Variants in TM4SF19 observed in about 807,000 individuals in gnomAD.
TM4SF19 encodes the protein transmembrane 4 L6 family member 19.
In TM4SF19, 17 loss-of-function variants were observed where a neutral mutation model predicts 21.8. The ratio of observed to expected loss-of-function variants is 0.78; its 90% CI spans 0.53 to 1.17. The LOEUF (loss-of-function observed/expected upper bound fraction) is 1.17, where lower values mean the gene tolerates loss of function less well. Ranked by LOEUF, TM4SF19 falls within the 50% of genes most tolerant of loss-of-function variation. The pLI, the probability that TM4SF19 is intolerant of heterozygous loss-of-function variation, is 0.00. For synonymous variants in TM4SF19, 107 were observed against 106.7 expected (o/e 1.00, Z -0.02); for missense variants, 216 against 252.1 (o/e 0.86, Z 0.97).
chr3:196,335,967 A>T (rs1161731858), intron 1 of TM4SF19, among the ~76,000 whole-genome samples: 9 of 152,166 alleles, frequency 5.9e-5, no homozygotes, highest in Admixed American at 3.3e-4. Flanking sequence ...GCTCTAGATC[A>T]TGGGGCCAGG....
chr3:196,333,402 T>A (rs554849151), intron 1 of TM4SF19, among the ~76,000 whole-genome samples: 2 of 152,274 alleles, frequency 1.3e-5, no homozygotes, highest in African/African-American at 4.8e-5. Flanking sequence ...ACAATAATAA[T>A]AAAATAGAAC....
chr3:196,332,403 AAGAG>A (rs957019234), intron 1 of TM4SF19, among the ~76,000 whole-genome samples: 6 of 139,684 alleles, frequency 4.3e-5, no homozygotes, highest in Admixed American at 2.1e-4. Context: ...GACAGAGCAA[AAGAG>A]AGAGAGAGAG....
Position 196,328,946 on chromosome 3 carries a change from A to AT in TM4SF19, c.-1-1356dup, listed in dbSNP as rs796996433. On this transcript the variant is annotated intron_variant, in intron 1 of 4. Transcript: ENST00000273695. Reference sequence around the variant, plus strand: ...AAACAGACCCGGTCCAGGAAAAATGATTTTTTTTTTTTCTTGAGACGGAGT... The same window carrying AT: ...AAACAGACCCGGTCCAGGAAAAATGATTTTTTTTTTTTTCTTGAGACGGAGT... Among the ~76,000 whole-genome samples, 146 of 147,372 alleles carry AT rather than the reference A, an allele frequency of 9.9e-4. 1 individual carries two copies. Among genetic ancestry groups the AT allele is most frequent in the East Asian group, 2.4e-3 (12 of 5,040 alleles).
chr3:196,333,132 G>A (rs911850740), intron 1 of TM4SF19, among the ~76,000 whole-genome samples: 1 of 152,186 alleles, frequency 6.6e-6, no homozygotes, highest in Non-Finnish European at 1.5e-5. Context: ...ACAGGCGTAA[G>A]CCACCACGCC....
intron 1 of TM4SF19, among the ~76,000 whole-genome samples, chr3:196,330,892 C>T (rs1727479122): frequency 6.6e-6 from 1 of 152,082 alleles, no homozygotes; most frequent in South Asian, 2.1e-4. Context: ...AATGTCATAT[C>T]TAGATAAATT....
intron 1 of TM4SF19, among the ~76,000 whole-genome samples, chr3:196,330,498 G>T (rs953158305): frequency 6.6e-6 from 1 of 152,120 alleles, no homozygotes; most frequent in Non-Finnish European, 1.5e-5. Context: ...AAGACAAATT[G>T]TGTTATCCAT....
intron 1 of TM4SF19, among the ~76,000 whole-genome samples, chr3:196,331,711 C>T (rs929613870): frequency 6.6e-6 from 1 of 151,478 alleles, no homozygotes; most frequent in Non-Finnish European, 1.5e-5. Context: ...CACTTGAACC[C>T]GGGAGGTGGA....
intron 3 of TM4SF19, 91 bp from the exon 4 acceptor site, chr3:196,324,531 C>T (rs1339158897): frequency 9.8e-6 from 14 of 1,424,122 alleles, no homozygotes; most frequent in African/African-American, 5.7e-5. Flanking sequence ...GACGGGGTCG[C>T]AGCTGGGGAG....
chr3:196,331,002 G>A (rs1013926294), intron 1 of TM4SF19, among the ~76,000 whole-genome samples: 8 of 152,072 alleles, frequency 5.3e-5, no homozygotes, highest in East Asian at 1.9e-4. Context: ...GGCCGGGCAC[G>A]GTGACTTACA....
At chr3:196,336,391 G>C (rs777539975) in intron 1 of TM4SF19, among the ~76,000 whole-genome samples, 3 of 152,164 alleles carry the variant, frequency 2.0e-5, no homozygotes, top group Admixed American at 2.0e-4. Context: ...ACCTACCTTG[G>C]CCTCCTAAAG....
At chr3:196,333,333 A>G (rs1045705880) in intron 1 of TM4SF19, among the ~76,000 whole-genome samples, 1 of 152,224 alleles carries the variant, frequency 6.6e-6, no homozygotes, top group Non-Finnish European at 1.5e-5. Context: ...GCTTTTTCCT[A>G]TACATACATA....
intron 1 of TM4SF19, among the ~76,000 whole-genome samples, chr3:196,337,353 T>A (rs1260282079): frequency 1.3e-5 from 2 of 152,130 alleles, no homozygotes; most frequent in African/African-American, 4.8e-5. Flanking sequence ...ACCCCAGTAA[T>A]GTCAGGTGAC....
At chr3:196,331,169 G>A (rs955447360) in intron 1 of TM4SF19, among the ~76,000 whole-genome samples, 10 of 151,924 alleles carry the variant, frequency 6.6e-5, no homozygotes, top group Non-Finnish European at 1.0e-4. Context: ...CCAGCTACTC[G>A]GGTGGCTGAG....
chr3:196,326,481 G>A (rs1464200907), intron 3 of TM4SF19, among the ~76,000 whole-genome samples: 2 of 152,046 alleles, frequency 1.3e-5, no homozygotes, highest in Admixed American at 6.6e-5. Context: ...TAATAAGGTA[G>A]AAATTTATTC....
intron 1 of TM4SF19, among the ~76,000 whole-genome samples, chr3:196,328,299 T>TA (rs554680176): frequency 0.1 from 14,135 of 140,096 alleles, 706 homozygotes; most frequent in Middle Eastern, 0.17. Context: ...GACTCCATCT[T>TA]AAAAAAAAAA....
chr3:196,327,813 A>G (rs1727360686), intron 1 of TM4SF19, among the ~76,000 whole-genome samples: 1 of 152,212 alleles, frequency 6.6e-6, no homozygotes, highest in Non-Finnish European at 1.5e-5. Context: ...CCCTGTTCAC[A>G]CATACATAGT....
intron 1 of TM4SF19, among the ~76,000 whole-genome samples, chr3:196,333,238 T>C (rs1483877450): frequency 6.6e-6 from 1 of 152,222 alleles, no homozygotes; most frequent in South Asian, 2.1e-4. Flanking sequence ...AGTTCACTGA[T>C]GATGGAGTTA....
Position 196,325,528 on chromosome 3 carries a change from ATTT to A in TM4SF19, c.280-1091_280-1089del. 1 of 151,860 alleles carries A rather than the reference ATTT, an allele frequency of 6.6e-6. No homozygotes were observed. The highest frequency in any genetic ancestry group is 6.6e-5 in the Admixed American group (1 of 15,208). 9.4% of individuals were successfully genotyped at this position (151,860 alleles called of 1,614,324 possible). A position where few individuals can be genotyped will look rare whatever the true frequency, so the allele number is the denominator to read the frequency against. ...ATTGGATTCTTTCTTAGGGTTCTAG[ATTT>A]TTTTCTCCCTCCCCCAAAAATGCCT... On this transcript the variant is annotated intron_variant, in intron 3 of 4. Transcript: ENST00000273695. The surrounding 1 kb of genome is among the most constrained non-coding windows in gnomAD (Gnocchi z 4.3).
chr3:196,324,049 A>G (rs1216976292), intron 4 of TM4SF19, 52 bp from the exon 5 acceptor site: 1 of 1,595,476 alleles, frequency 6.3e-7, no homozygotes, highest in Non-Finnish European at 8.5e-7. Flanking sequence ...AAGGAAAGCC[A>G]AACAGGCAAC....
Sources: allele counts gnomAD v4.1 joint callset (sites outside exome capture counted in the v4.1 genomes callset), GRCh38; gene constraint gnomAD v4.1.1; non-coding constraint Gnocchi (gnomAD v3.1); transcripts MANE v1.5; gene names NCBI Gene and HGNC (gene_info 2026-07-23, HGNC 2026-07-21).